The following DNAJC17 variants were observed in gnomAD, a reference collection of about 807,000 sequenced individuals.
The protein encoded by DNAJC17 is DnaJ heat shock protein family (Hsp40) member C17.
DNAJC17 carries 35 observed loss-of-function variants against 48.1 expected under a neutral mutation model. The ratio of observed to expected loss-of-function variants is 0.73; its 90% CI spans 0.56 to 0.96. DNAJC17 has a LOEUF of 0.96. DNAJC17 is among the 50% of genes least tolerant of loss of function. DNAJC17 has a pLI of 0.00. For missense variants in DNAJC17, 355 were observed against 377.1 expected (o/e 0.94, Z 0.48); for synonymous variants, 117 against 142.7 (o/e 0.82, Z 1.28).
intron 1 of DNAJC17, among the ~76,000 whole-genome samples, chr15:40,806,386 T>C (rs1380332277): frequency 6.6e-6 from 1 of 151,374 alleles, no homozygotes; most frequent in Non-Finnish European, 1.5e-5. Flanking sequence ...GCCCGGCTAA[T>C]TTTTGTATTT....
At chr15:40,775,671 A>ACCCTTCTTGCTCTGG in intron 6 of DNAJC17, 75 bp from the exon 7 acceptor site, 2 of 1,485,190 alleles carry the variant, frequency 1.3e-6, no homozygotes, top group Non-Finnish European at 1.9e-6. Flanking sequence ...TGCAGCCCAG[A>ACCCTTCTTGCTCTGG]GCAAGAAGGG....
chr15:40,767,948 G>A lies in DNAJC17; in HGVS notation c.907C>T (p.Pro303Ser), dbSNP rs1389232285. ...RMQQEDQEGPPT is the reference protein window; with the variant it reads ...RMQQEDQEGPST ...GATGGCTGGAGCTGGGGCTACGTAG[G>A]CGGCCCCTCCTGGTCTTCCTGCTGC... The change falls in exon 11 of 11, where the codon CCT becomes TCT. Residue 303 changes from proline to serine, a missense_variant. Pro to Ser is a moderately conservative substitution (Grantham distance 74, BLOSUM62 -1). Transcript: ENST00000220496. 3 of 1,612,898 alleles carry A rather than the reference G, an allele frequency of 1.9e-6. No individual in the cohort carries two copies. Among genetic ancestry groups the A allele is most frequent in the African/African-American group, 1.3e-5 (1 of 74,950 alleles).
chr15:40,789,502 G>A (rs1191036307), intron 1 of DNAJC17, among the ~76,000 whole-genome samples: 2 of 151,654 alleles, frequency 1.3e-5, no homozygotes, highest in Non-Finnish European at 1.5e-5. Context: ...CCTAACCACC[G>A]CTATATTAGG....
chr15:40,773,365 G>A (rs1889211869), intron 10 of DNAJC17, among the ~76,000 whole-genome samples: 1 of 152,180 alleles, frequency 6.6e-6, no homozygotes, highest in African/African-American at 2.4e-5. Context: ...GGAAGTGGCT[G>A]TCCTAGTCAC....
Position 40,770,839 on chromosome 15 carries a change from C to G in DNAJC17, c.793-2777G>C. ...TCTGCCACCCTGCCATCGGCGCTCT[C>G]TCTGTCGAGTGCCCTCCACCAGCAC... On this transcript the variant is annotated intron_variant, in intron 10 of 10. Coordinates refer to ENST00000220496, the MANE Select transcript of DNAJC17 (RefSeq NM_018163.3). This position sits in a 1 kb window ranked among gnomAD's most constrained non-coding sequence, Gnocchi z 5.0. 6.4e-7 allele frequency: 1 copy of G among 1,551,468 alleles called. No homozygotes were observed. Among genetic ancestry groups the G allele is most frequent in the Non-Finnish European group, 8.7e-7 (1 of 1,146,996 alleles).
intron 1 of DNAJC17, among the ~76,000 whole-genome samples, chr15:40,798,279 G>T (rs1402102021): frequency 6.6e-6 from 1 of 152,142 alleles, no homozygotes; most frequent in Admixed American, 6.5e-5. Context: ...TTTATATGAG[G>T]TTCATAGAAT....
intron 1 of DNAJC17, among the ~76,000 whole-genome samples, chr15:40,782,348 G>T (rs1365975255): frequency 1.3e-5 from 2 of 152,194 alleles, no homozygotes; most frequent in African/African-American, 4.8e-5. Flanking sequence ...CTCAGCCAAG[G>T]ATTTTGAGGC....
intron 4 of DNAJC17, among the ~76,000 whole-genome samples, chr15:40,777,617 C>T (rs1273364811): frequency 6.6e-6 from 1 of 151,780 alleles, no homozygotes; most frequent in East Asian, 1.9e-4. Context: ...ACTCGGGAGG[C>T]TGAGGCAGGA....
At chr15:40,776,940 G>T (rs1596078732) in intron 4 of DNAJC17, 1 of 269,872 alleles carries the variant, frequency 3.7e-6, no homozygotes, top group East Asian at 8.0e-5. Context: ...CATGTGTCAG[G>T]GGTGCCAATG....
At chr15:40,777,456 C>T (rs1020011834) in intron 4 of DNAJC17, among the ~76,000 whole-genome samples, 2 of 152,054 alleles carry the variant, frequency 1.3e-5, no homozygotes, top group African/African-American at 2.4e-5. Context: ...CGGTGGCTCA[C>T]GCCTGTAATC....
intron 1 of DNAJC17, among the ~76,000 whole-genome samples, chr15:40,780,873 A>G (rs1889467628): frequency 6.8e-6 from 1 of 146,654 alleles, no homozygotes; most frequent in Non-Finnish European, 1.5e-5. Context: ...GAGGCCGGAC[A>G]TGGTGGCTCA....
In DNAJC17 at chr15:40,776,309, G is replaced by A. The variant is rs373911227; in HGVS notation, c.382-17C>T. On this transcript the variant is annotated splice_polypyrimidine_tract_variant and intron_variant, in intron 5 of 10. Coordinates refer to ENST00000220496, the MANE Select transcript of DNAJC17 (RefSeq NM_018163.3). ...GCGTTCGATCTGCAGAGCAGGGGGT[G>A]GGGGTGACAATTCTGTGCAGGTCCA... 9.3e-6 allele frequency: 15 copies of A among 1,611,490 alleles called. No individual in the cohort carries two copies. Among genetic ancestry groups the A allele is most frequent in the African/African-American group, 1.3e-5 (1 of 74,832 alleles).
In DNAJC17 at chr15:40,765,890, G is replaced by A; in HGVS notation, c.*2050C>T. 1 of 1,579,272 alleles carries A rather than the reference G, an allele frequency of 6.3e-7. No homozygotes were observed. On this transcript the variant is annotated 3_prime_UTR_variant, in exon 11 of 11. Coordinates refer to ENST00000220496, the MANE Select transcript of DNAJC17 (RefSeq NM_018163.3). Reference sequence around the variant, plus strand: ...TCCAGAGCTGATGCAGCATCTGGGGGCTTCAAAGAGAAGAGCCTTGGGAAA... The same window carrying A: ...TCCAGAGCTGATGCAGCATCTGGGGACTTCAAAGAGAAGAGCCTTGGGAAA...
Position 40,767,880 on chromosome 15 carries a change from A to G in DNAJC17, c.*60T>C. Reference sequence around the variant, plus strand: ...GGATAGAGGTAAAATCTTAAAAAAAAAAAAAATTTATTGGTGACGTTGAAG... The same window carrying G: ...GGATAGAGGTAAAATCTTAAAAAAAGAAAAAATTTATTGGTGACGTTGAAG... On this transcript the variant is annotated 3_prime_UTR_variant, in exon 11 of 11. Transcript: ENST00000220496. 12 of 1,590,064 alleles carry G rather than the reference A, an allele frequency of 7.5e-6. No individual in the cohort carries two copies. The highest frequency in any genetic ancestry group is 9.4e-6 in the Non-Finnish European group (11 of 1,173,714).
intron 1 of DNAJC17, among the ~76,000 whole-genome samples, chr15:40,802,059 G>A (rs1890089690): frequency 6.6e-6 from 1 of 152,100 alleles, no homozygotes; most frequent in East Asian, 1.9e-4. Flanking sequence ...AGGATAGGGA[G>A]GTACTGAGAA....
At chr15:40,774,001 C>A (rs369515236) in intron 9 of DNAJC17, among the ~76,000 whole-genome samples, 164 bp from the exon 10 acceptor site, 4 of 152,074 alleles carry the variant, frequency 2.6e-5, no homozygotes, top group African/African-American at 9.7e-5. Context: ...GCCTTTCCTG[C>A]GGGAGAGGGG....
intron 1 of DNAJC17, among the ~76,000 whole-genome samples, chr15:40,803,337 A>G (rs1349370773): frequency 6.6e-6 from 1 of 152,186 alleles, no homozygotes; most frequent in African/African-American, 2.4e-5. Flanking sequence ...TAGGTTGTCT[A>G]TGACAGGTAT....
At chr15:40,786,343 G>T (rs866060170) in intron 1 of DNAJC17, among the ~76,000 whole-genome samples, 13 of 152,282 alleles carry the variant, frequency 8.5e-5, no homozygotes, top group Middle Eastern at 3.4e-3. Context: ...CTGAAAGCCA[G>T]GTATCCCGGG....
rs780016470 is a variant in DNAJC17, at chr15:40,779,157, G to T, written c.295+66C>A. ...TGAGTTGCTGGAAGTGAAGCTTCAG[G>T]TGAGGGAGATGAATGAAAATGACCA... On this transcript the variant is annotated intron_variant, in intron 4 of 10. Coordinates refer to ENST00000220496, the MANE Select transcript of DNAJC17 (RefSeq NM_018163.3). 3 of 1,486,804 alleles carry T rather than the reference G, an allele frequency of 2.0e-6. No individual in the cohort carries two copies. The South Asian group carries it at 3.4e-5, about 17-fold the overall frequency. The allele number at this position is 1,486,804 out of a possible 1,614,324, so 92.1% of individuals were successfully genotyped here.
Sources: gnomAD v4.1 joint callset for allele counts (sites outside exome capture counted in the v4.1 genomes callset) on GRCh38, gnomAD v4.1.1 for gene constraint, Gnocchi (gnomAD v3.1) non-coding constraint, MANE v1.5 for transcripts, NCBI Gene and HGNC (gene_info 2026-07-23, HGNC 2026-07-21) for gene names.